Variants in SHANK1 observed in about 807,000 individuals in gnomAD.
The protein encoded by SHANK1 is SH3 and multiple ankyrin repeat domains 1.
A neutral mutation model predicts 165.6 loss-of-function variants in SHANK1; 35 were observed. That is an observed-to-expected ratio of 0.21 (90% CI 0.16 to 0.28). The LOEUF is 0.28. Ranked by LOEUF, SHANK1 falls within the 10% of genes least tolerant of loss-of-function variation. SHANK1 has a pLI of 1.00. For synonymous variants in SHANK1, 1,428 were observed against 1,384.8 expected, an observed-to-expected ratio of 1.03 and a Z score of -0.69; for missense variants, 2,681 against 3,036.4, an observed-to-expected ratio of 0.88 and a Z score of 2.75.
At position 50,661,721 on chromosome 19, in the gene SHANK1, C is replaced by G. The variant is rs1985231832; in HGVS notation, c.*244G>C. On this transcript the variant is annotated 3_prime_UTR_variant, in exon 24 of 24. Transcript: ENST00000293441. Reference sequence around the variant, plus strand: ...ATTCCCCTCTGTAATTTCTCCTATCCCCCCTCCGCTCCCCGCTTCACACAC... The same window carrying G: ...ATTCCCCTCTGTAATTTCTCCTATCGCCCCTCCGCTCCCCGCTTCACACAC... 1 of 516,386 alleles carries G rather than the reference C, an allele frequency of 1.9e-6. No homozygotes were observed. Among genetic ancestry groups the G allele is most frequent in the Admixed American group, 3.7e-5 (1 of 27,272 alleles). 32.0% of individuals were successfully genotyped at this position (516,386 alleles called of 1,614,324 possible).
At position 50,662,117 on chromosome 19, in the gene SHANK1, A is replaced by G; in HGVS notation, c.6334T>C (p.Leu2112=). 2 of 1,614,068 alleles carry G rather than the reference A, an allele frequency of 1.2e-6. No individual in the cohort carries two copies. The highest frequency in any genetic ancestry group is 1.7e-6 in the Non-Finnish European group (2 of 1,179,956). ...AGGAACTGGGCTCGGTGCTCCGCCA[A>G]ACCCAGCCACTCCAGCCAATCAGCC... ...DVADWLEWLG[L]AEHRAQFLDH... Residue 2112 remains leucine, a synonymous_variant, in exon 24 of 24, where the codon TTG becomes CTG. Coordinates refer to ENST00000293441, the MANE Select transcript of SHANK1 (RefSeq NM_016148.5). The surrounding 1 kb of genome is among the most constrained non-coding windows in gnomAD (Gnocchi z 7.7).
In SHANK1 at chr19:50,668,996, G is replaced by A. The variant is rs1371300285; in HGVS notation, c.2964C>T (p.Tyr988=). Residue 988 remains tyrosine, a synonymous_variant, in exon 23 of 24, where the codon TAC becomes TAT. Transcript: ENST00000293441. The part of the protein sequence containing the change: ...TRVGSREKSL[Y]HSGPLPPAHH... ...GGGCCGGGGGCAGGGGCCCACTGTGGTACAGGCTCTTCTCGCGGCTCCCCA... is the reference window on the plus strand; with the variant it reads ...GGGCCGGGGGCAGGGGCCCACTGTGATACAGGCTCTTCTCGCGGCTCCCCA... The A allele has an allele frequency of 1.0e-5, 8 of 784,030 alleles. No homozygotes were observed. The highest frequency in any genetic ancestry group is 1.4e-5 in the Non-Finnish European group (7 of 510,214). The allele number at this position is 784,030 out of a possible 1,614,324, so 48.6% of individuals were successfully genotyped here.
chr19:50,671,465 G>C (rs1377352023), intron 22 of SHANK1, among the ~76,000 whole-genome samples: 2 of 148,858 alleles, frequency 1.3e-5, no homozygotes, highest in African/African-American at 5.1e-5. Flanking sequence ...TTACAGGCGT[G>C]AGCCGCTGCG....
chr19:50,710,639 G>T (rs1599871938), intron 8 of SHANK1, among the ~76,000 whole-genome samples: 1 of 152,186 alleles, frequency 6.6e-6, no homozygotes, highest in African/African-American at 2.4e-5. Context: ...AACTCCAGAA[G>T]TGGGGGTGTT....
In SHANK1 at chr19:50,666,280, C is replaced by T. The variant is rs754623779; in HGVS notation, c.5680G>A (p.Ala1894Thr). 1 of 1,611,726 alleles carries T rather than the reference C, an allele frequency of 6.2e-7. No homozygotes were observed. Among genetic ancestry groups the T allele is most frequent in the Admixed American group, 1.7e-5 (1 of 59,798 alleles). Residue 1894 changes from alanine (A) to threonine (T), a missense_variant, in exon 23 of 24, where the codon GCC becomes ACC. Coordinates refer to ENST00000293441, the MANE Select transcript of SHANK1 (RefSeq NM_016148.5). ...CCGCCTCCCCCACTGCCTCCTCGGG[C>T]CCAGGGCAGAGCGCCGCCAGCTGCC... ...SSAAGGALPWARGGSGGGGDS... is the reference protein window; with the variant it reads ...SSAAGGALPWTRGGSGGGGDS...
chr19:50,702,459 C>T lies in SHANK1; in HGVS notation c.1747+8G>A. 6.2e-7 allele frequency: 1 copy of T among 1,606,492 alleles called. No homozygotes were observed. The highest frequency in any genetic ancestry group is 2.2e-5 in the East Asian group (1 of 44,784). ...GCCCAGCCCAGGCCCTGCTTCCACCCTGGGTACCTTTGATCTTCTCGCCCT... is the reference window on the plus strand; with the variant it reads ...GCCCAGCCCAGGCCCTGCTTCCACCTTGGGTACCTTTGATCTTCTCGCCCT... On this transcript the variant is annotated splice_region_variant and intron_variant, in intron 12 of 23. Coordinates refer to ENST00000293441, the MANE Select transcript of SHANK1 (RefSeq NM_016148.5). This position sits in a 1 kb window ranked among gnomAD's most constrained non-coding sequence, Gnocchi z 5.3.
In SHANK1 at chr19:50,661,275, AAGC is replaced by A. The variant is rs967398530; in HGVS notation, c.*687_*689del. ...AGGGGAAAAGTGTGTAAGCAGCAAG[AAGC>A]AGAGAAGGAGGCATGGAGCGTGAGA... On this transcript the variant is annotated 3_prime_UTR_variant, in exon 24 of 24. Transcript: ENST00000293441. Among the ~76,000 whole-genome samples, 1 of 152,090 alleles carries A rather than the reference AAGC, an allele frequency of 6.6e-6. No homozygotes were observed. The highest frequency in any genetic ancestry group is 1.5e-5 in the Non-Finnish European group (1 of 68,006).
At chr19:50,680,638 G>A (rs961457774) in intron 21 of SHANK1, among the ~76,000 whole-genome samples, 1 of 151,072 alleles carries the variant, frequency 6.6e-6, no homozygotes, top group African/African-American at 2.4e-5. Flanking sequence ...CAGTTTCCAA[G>A]TCCTTAGATA....
Position 50,710,398 on chromosome 19 carries a change from T to C in SHANK1, c.1077+973A>G, listed in dbSNP as rs562969992. Reference sequence around the variant, plus strand: ...GGAGGAAGGGGGCTGACAGACCAGCTCTGTCATGCTAGCGCCTGTCTCTCT... The same window carrying C: ...GGAGGAAGGGGGCTGACAGACCAGCCCTGTCATGCTAGCGCCTGTCTCTCT... On this transcript the variant is annotated intron_variant, in intron 8 of 23. Transcript: ENST00000293441. Among the ~76,000 whole-genome samples, 5 of 152,266 alleles carry C rather than the reference T, an allele frequency of 3.3e-5. No individual in the cohort carries two copies. The East Asian group carries it at 9.7e-4, about 29-fold the overall frequency.
intron 15 of SHANK1, among the ~76,000 whole-genome samples, chr19:50,695,538 C>A (rs1440997110): frequency 3.3e-5 from 5 of 151,714 alleles, no homozygotes; most frequent in Non-Finnish European, 5.9e-5. Context: ...CCCCTCCCCC[C>A]TCCAGAGCCC....
Position 50,718,086 on chromosome 19 carries a change from G to A in SHANK1, c.-43-1124C>T, listed in dbSNP as rs562755580. Reference sequence around the variant, plus strand: ...TGCACCGTTGCCATGGAGATGGGAAGCAGTGGAGGGTACTGCTGACTTTGG... The same window carrying A: ...TGCACCGTTGCCATGGAGATGGGAAACAGTGGAGGGTACTGCTGACTTTGG... On this transcript the variant is annotated intron_variant, in intron 1 of 23. Transcript: ENST00000293441. The surrounding 1 kb of genome is among the most constrained non-coding windows in gnomAD (Gnocchi z 5.1). Among the ~76,000 whole-genome samples the A allele has an allele frequency of 5.9e-5, 9 of 152,298 alleles. No individual in the cohort carries two copies. In the East Asian group the frequency reaches 1.5e-3, roughly 26 times the overall value.
At position 50,686,750 on chromosome 19, in the gene SHANK1, C is replaced by T; in HGVS notation, c.2452G>A (p.Ala818Thr). Residue 818 changes from alanine to threonine, a missense_variant, in exon 20 of 24, where the codon GCT becomes ACT. By Grantham distance (58) the Ala-to-Thr change is moderately conservative (BLOSUM62 0). This residue lies in a region of SHANK1 where 206 missense variants were observed against 216.0 expected (regional missense o/e 0.95). Coordinates refer to ENST00000293441, the MANE Select transcript of SHANK1 (RefSeq NM_016148.5). This position sits in a 1 kb window ranked among gnomAD's most constrained non-coding sequence, Gnocchi z 5.7. ...MEKKRTVYQM[A>T]LNKLDEILAA... ...CAGGGCTGGGCCGTCTTACTGAGAG[C>T]CATCTGATACACGGTCCGCTTTTTC... The T allele has an allele frequency of 6.2e-7, 1 of 1,613,650 alleles. No homozygotes were observed. Among genetic ancestry groups the T allele is most frequent in the Non-Finnish European group, 8.5e-7 (1 of 1,179,744 alleles).
At position 50,661,331 on chromosome 19, in the gene SHANK1, C is replaced by G. The variant is rs929711894; in HGVS notation, c.*634G>C. Reference sequence around the variant, plus strand: ...GGAAATGCAGCGTGTGCGAGGAGAGCAGAGTGTATTTGAGCGGGCCTCGCC... The same window carrying G: ...GGAAATGCAGCGTGTGCGAGGAGAGGAGAGTGTATTTGAGCGGGCCTCGCC... On this transcript the variant is annotated 3_prime_UTR_variant, in exon 24 of 24. Coordinates refer to ENST00000293441, the MANE Select transcript of SHANK1 (RefSeq NM_016148.5). 6.6e-6 allele frequency among the ~76,000 whole-genome samples: 1 copy of G among 152,038 alleles called. No homozygotes were observed. The highest frequency in any genetic ancestry group is 1.5e-5 in the Non-Finnish European group (1 of 67,990).
chr19:50,667,908 G>T lies in SHANK1; in HGVS notation c.4052C>A (p.Ser1351Tyr). 7.4e-7 allele frequency: 1 copy of T among 1,342,298 alleles called. No homozygotes were observed. Among genetic ancestry groups the T allele is most frequent in the Non-Finnish European group, 9.5e-7 (1 of 1,051,420 alleles). The allele number at this position is 1,342,298 out of a possible 1,614,324, so 83.1% of individuals were successfully genotyped here. Residue 1351 changes from serine (S) to tyrosine (Y), a missense_variant, in exon 23 of 24, where the codon TCC becomes TAC. Ser to Tyr is a moderately radical substitution (Grantham distance 144). This residue lies in a region of SHANK1 where 1,713 missense variants were observed against 1,630.2 expected (regional missense o/e 1.05). Coordinates refer to ENST00000293441, the MANE Select transcript of SHANK1 (RefSeq NM_016148.5). This position sits in a 1 kb window ranked among gnomAD's most constrained non-coding sequence, Gnocchi z 5.7. Reference sequence around the variant, plus strand: ...GGCGGCCAGGGCCAGCCCCAGCGGGGAGGCGGGATCCAGGGCCTTGCCGGT... The same window carrying T: ...GGCGGCCAGGGCCAGCCCCAGCGGGTAGGCGGGATCCAGGGCCTTGCCGGT... ...PLTGKALDPA[S>Y]PLGLALAARE... is the part of the protein sequence containing the mutation.
At position 50,666,981 on chromosome 19, in the gene SHANK1, G is replaced by A. The variant is rs750626045; in HGVS notation, c.4979C>T (p.Ala1660Val). The change falls in exon 23 of 24, where the codon GCC (alanine) becomes GTC (valine). Residue 1660 changes from alanine to valine, a missense_variant. Physicochemically the swap from Ala to Val is moderately conservative, Grantham distance 64. Around this residue, in one of 10 missense-constraint regions of SHANK1, gnomAD observed 1,713 missense variants for 1,630.2 expected, o/e 1.05. Coordinates refer to ENST00000293441, the MANE Select transcript of SHANK1 (RefSeq NM_016148.5). Reference protein sequence around the residue: ...PPAPAAPAPAAPQPGPDPPPG... With the variant: ...PPAPAAPAPAVPQPGPDPPPG... ...CGGAGGGTCCGGGCCAGGCTGTGGG[G>A]CAGCGGGAGCCGGTGCTGCTGGGGC... 2 of 1,578,802 alleles carry A rather than the reference G, an allele frequency of 1.3e-6. No individual in the cohort carries two copies. Among genetic ancestry groups the A allele is most frequent in the Non-Finnish European group, 8.6e-7 (1 of 1,162,068 alleles).
At chr19:50,695,670 G>A (rs1044876503) in intron 15 of SHANK1, among the ~76,000 whole-genome samples, 1 of 152,160 alleles carries the variant, frequency 6.6e-6, no homozygotes. Context: ...GGGACACCGC[G>A]GGTGAGAGAG....
At chr19:50,664,240 G>A (rs1985393390) in intron 23 of SHANK1, among the ~76,000 whole-genome samples, 1 of 151,464 alleles carries the variant, frequency 6.6e-6, no homozygotes, top group Admixed American at 6.6e-5. Flanking sequence ...CAGAATTCAA[G>A]TGAACTCTGT....
intron 15 of SHANK1, among the ~76,000 whole-genome samples, chr19:50,692,179 C>T (rs1025371613): frequency 1.3e-5 from 2 of 152,042 alleles, no homozygotes; most frequent in Non-Finnish European, 2.9e-5. Flanking sequence ...ACCCTGAGCT[C>T]GGCCCTGCAG....
Position 50,716,933 on chromosome 19 carries a change from G to A in SHANK1, c.-14C>T. ...GCTGTGGGTCATTGTGGGGCCACGG[G>A]GCGACGGGGGACGGCAGCATCACAG... On this transcript the variant is annotated 5_prime_UTR_variant, in exon 2 of 24. Coordinates refer to ENST00000293441, the MANE Select transcript of SHANK1 (RefSeq NM_016148.5). The surrounding 1 kb of genome is among the most constrained non-coding windows in gnomAD (Gnocchi z 8.4). 7.0e-7 allele frequency: 1 copy of A among 1,423,928 alleles called. No individual in the cohort carries two copies. The highest frequency in any genetic ancestry group is 9.2e-7 in the Non-Finnish European group (1 of 1,089,220). 88.2% of individuals were successfully genotyped at this position (1,423,928 alleles called of 1,614,324 possible).
Sources: allele counts gnomAD v4.1 joint callset (sites outside exome capture counted in the v4.1 genomes callset), GRCh38; gene constraint gnomAD v4.1.1; regional missense constraint gnomAD v4.1.1; non-coding constraint Gnocchi (gnomAD v3.1); transcripts MANE v1.5; gene names NCBI Gene and HGNC (gene_info 2026-07-23, HGNC 2026-07-21).